Variants in SGCZ observed in about 807,000 individuals in gnomAD.
SGCZ encodes zeta-sarcoglycan.
A neutral mutation model predicts 41.3 loss-of-function variants in SGCZ; 40 were observed. That is an observed-to-expected ratio of 0.97 (90% CI 0.75 to 1.26). The LOEUF is 1.26. Among genes scored for constraint, SGCZ ranks in the 50% most tolerant of loss-of-function variants. The pLI is 0.00. For missense variants in SGCZ, 552 were observed against 369.8 expected (o/e 1.49, Z -4.04); for synonymous variants, 206 against 137.5 (o/e 1.50, Z -3.49).
intron 2 of SGCZ, among the ~76,000 whole-genome samples, chr8:14,369,399 G>C (rs1404013214): frequency 2.0e-5 from 3 of 151,728 alleles, no homozygotes; most frequent in Non-Finnish European, 4.4e-5. Flanking sequence ...CATAATAAAG[G>C]CTTTTTTTGG....
intron 2 of SGCZ, among the ~76,000 whole-genome samples, chr8:14,401,381 C>T (rs1390316859): frequency 6.6e-6 from 1 of 150,596 alleles, no homozygotes; most frequent in Non-Finnish European, 1.5e-5. Context: ...TGGTGTGCTA[C>T]ACCCAATAAC....
In SGCZ at chr8:14,429,536, G is replaced by A. The variant is rs191938712; in HGVS notation, c.235-105332C>T. On this transcript the variant is annotated intron_variant, in intron 2 of 7. Transcript: ENST00000382080. ...GGTTTTTTAGGTCAGTTAGTCAGTT[G>A]AAGAGTAGCCCCCAAAGAAATGTCC... 6.0e-4 allele frequency among the ~76,000 whole-genome samples: 92 copies of A among 152,282 alleles called. 2 individuals carry two copies. Among genetic ancestry groups the A allele is most frequent in the African/African-American group, 2.0e-3 (82 of 41,560 alleles).
intron 1 of SGCZ, among the ~76,000 whole-genome samples, chr8:14,706,661 G>A (rs1201561367): frequency 6.6e-6 from 1 of 152,072 alleles, no homozygotes; most frequent in East Asian, 1.9e-4. Flanking sequence ...TAGAAACCAG[G>A]TTGTAGCTAG....
intron 3 of SGCZ, among the ~76,000 whole-genome samples, chr8:14,314,640 G>A (rs1801655979): frequency 6.6e-6 from 1 of 152,110 alleles, no homozygotes; most frequent in Admixed American, 6.6e-5. Context: ...ACAATCAGTA[G>A]GTAAGTGAAT....
chr8:14,291,671 A>G (rs1338643412), intron 3 of SGCZ, among the ~76,000 whole-genome samples: 1 of 82,782 alleles, frequency 1.2e-5, no homozygotes, highest in African/African-American at 3.9e-5. Flanking sequence ...CTTATTCTTT[A>G]TTCGGAAACA....
rs145348394 is a variant in SGCZ at position 14,374,634 on chromosome 8, AC to A, written c.235-50431del. On this transcript the variant is annotated intron_variant, in intron 2 of 7. Coordinates refer to ENST00000382080, the MANE Select transcript of SGCZ (RefSeq NM_139167.4). The stretch of plus-strand genomic sequence containing the variant: ...CTATTTAGGACTGATGGCCATAAAT[AC>A]ATAGGGAGGCCAGACCACATACTGC... Among the ~76,000 whole-genome samples the A allele has an allele frequency of 9.6e-3, 1,463 of 152,318 alleles. 27 individuals carry two copies. The highest frequency in any genetic ancestry group is 0.033 in the African/African-American group (1,368 of 41,578).
chr8:14,098,129 A>G (rs1402508210), intron 7 of SGCZ, among the ~76,000 whole-genome samples: 1 of 152,186 alleles, frequency 6.6e-6, no homozygotes, highest in African/African-American at 2.4e-5. Context: ...TATTCAGTAA[A>G]TGAATACATT....
At chr8:14,579,551 A>C (rs1207391875) in intron 1 of SGCZ, among the ~76,000 whole-genome samples, 1 of 152,178 alleles carries the variant, frequency 6.6e-6, no homozygotes, top group Non-Finnish European at 1.5e-5. Flanking sequence ...TGTTGGGGAA[A>C]TTTTATACAA....
intron 1 of SGCZ, among the ~76,000 whole-genome samples, chr8:14,925,057 C>T (rs1336793846): frequency 6.6e-6 from 1 of 151,970 alleles, no homozygotes. Context: ...AGGGTTTCAC[C>T]GTGTTGGCCA....
At chr8:15,223,476 C>T (rs1030106005) in intron 1 of SGCZ, among the ~76,000 whole-genome samples, 1 of 152,144 alleles carries the variant, frequency 6.6e-6, no homozygotes, top group Non-Finnish European at 1.5e-5. Context: ...AATCACTAGT[C>T]CCAGTAACTT....
intron 2 of SGCZ, among the ~76,000 whole-genome samples, chr8:14,365,430 T>C (rs1455575338): frequency 6.6e-6 from 1 of 152,146 alleles, no homozygotes; most frequent in African/African-American, 2.4e-5. Context: ...ATGTATCATC[T>C]CATTTACATA....
chr8:15,024,307 C>G (rs1042207610), intron 1 of SGCZ, among the ~76,000 whole-genome samples: 3 of 151,354 alleles, frequency 2.0e-5, no homozygotes, highest in African/African-American at 4.8e-5. Context: ...GGTTTATATC[C>G]ACTGGAAAAA....
intron 2 of SGCZ, among the ~76,000 whole-genome samples, chr8:14,414,902 T>C (rs1799454387): frequency 6.6e-6 from 1 of 151,976 alleles, no homozygotes; most frequent in Admixed American, 6.6e-5. Flanking sequence ...TTTGAAATTA[T>C]TGTTGCTAGA....
At chr8:14,326,274 T>G (rs1335045021) in intron 2 of SGCZ, among the ~76,000 whole-genome samples, 1 of 151,960 alleles carries the variant, frequency 6.6e-6, no homozygotes, top group Admixed American at 6.6e-5. Flanking sequence ...AGGGATGTTG[T>G]GATCAGTATC....
At chr8:14,559,719 A>G (rs1482057957) in intron 1 of SGCZ, among the ~76,000 whole-genome samples, 3 of 152,096 alleles carry the variant, frequency 2.0e-5, no homozygotes, top group Non-Finnish European at 4.4e-5. Flanking sequence ...TATGCTTCAT[A>G]CAATAAAAAT....
chr8:15,226,965 C>G (rs528252068), intron 1 of SGCZ, among the ~76,000 whole-genome samples: 5 of 152,062 alleles, frequency 3.3e-5, no homozygotes, highest in African/African-American at 1.2e-4. Flanking sequence ...CTAAACAAGA[C>G]GAAGAACATA....
chr8:15,081,959 C>A (rs1805766621), intron 1 of SGCZ, among the ~76,000 whole-genome samples: 1 of 152,088 alleles, frequency 6.6e-6, no homozygotes, highest in African/African-American at 2.4e-5. Context: ...CTGTACAGTT[C>A]TTTAGATTTG....
chr8:14,809,300 A>C lies in SGCZ; in HGVS notation c.40-254374T>G, dbSNP rs149330164. Among the ~76,000 whole-genome samples the C allele has an allele frequency of 5.1e-4, 77 of 152,304 alleles. No homozygotes were observed. The East Asian group carries it at 0.011, about 21-fold the overall frequency. On this transcript the variant is annotated intron_variant, in intron 1 of 7. Transcript: ENST00000382080. ...AACTGTTTCAAAGGAGAAATGTGTA[A>C]GAAAATTTCATCATGAATATAAGAT...
intron 2 of SGCZ, among the ~76,000 whole-genome samples, chr8:14,423,462 G>A (rs1799690910): frequency 6.6e-6 from 1 of 151,936 alleles, no homozygotes; most frequent in South Asian, 2.1e-4. Context: ...TGTTGGCCAG[G>A]CCAGAGTGCA....
Sources: allele counts gnomAD v4.1 joint callset (sites outside exome capture counted in the v4.1 genomes callset), GRCh38; gene constraint gnomAD v4.1.1; transcripts MANE v1.5; gene names NCBI Gene and HGNC (gene_info 2026-07-23, HGNC 2026-07-21).